Variants in EIF1AX observed in about 807,000 individuals in gnomAD.
The protein encoded by EIF1AX is eukaryotic translation initiation factor 1A, X-chromosomal.
Under a neutral mutation model 16.1 loss-of-function variants are expected in EIF1AX, and 1 was observed. That is an observed-to-expected ratio of 0.06 (90% confidence interval 0.02 to 0.30). EIF1AX has a LOEUF of 0.30. EIF1AX is among the 10% of genes least tolerant of loss of function. EIF1AX has a pLI of 1.00. For synonymous variants in EIF1AX, 32 were observed against 37.3 expected, an observed-to-expected ratio of 0.86 and a Z score of 0.51; for missense variants, 11 against 109.1, an observed-to-expected ratio of 0.10 and a Z score of 4.00.
rs2066984802 is a variant in EIF1AX, at chrX:20,126,199, G to A, written c.*2107C>T. 2 of 141,293 alleles carry A rather than the reference G, an allele frequency of 1.4e-5. No individual in the cohort carries two copies. The highest frequency in any genetic ancestry group is 2.3e-4 in the East Asian group (2 of 8,709). The allele number at this position is 141,293 out of a possible 1,213,427, so 11.6% of individuals were successfully genotyped here. Reference sequence around the variant, plus strand: ...AATCAGAGTGTATAAGCAAAAAAATGAAAAATAAAACTTCTTGGAGACCAT... The same window carrying A: ...AATCAGAGTGTATAAGCAAAAAAATAAAAAATAAAACTTCTTGGAGACCAT... On this transcript the variant is annotated 3_prime_UTR_variant, in exon 7 of 7. Transcript: ENST00000379607.
At chrX:20,136,555 G>C (rs1446921737) in intron 2 of EIF1AX, among the ~76,000 whole-genome samples, 6 of 112,250 alleles carry the variant, frequency 5.3e-5, no homozygotes, top group Non-Finnish European at 1.1e-4. Context: ...ATAATTTTTA[G>C]TTCATTTAGC....
intron 2 of EIF1AX, chrX:20,136,164 A>C (rs1472378395): frequency 6.9e-6 from 2 of 291,309 alleles, no homozygotes; most frequent in Non-Finnish European, 1.3e-5. Flanking sequence ...ATAGACATAC[A>C]TATGCACCCC....
chrX:20,125,455 T>C lies in EIF1AX; in HGVS notation c.*2851A>G, dbSNP rs1370654075. The C allele has an allele frequency of 2.3e-5, 4 of 170,251 alleles. No homozygotes were observed. In the East Asian group the frequency reaches 2.5e-4, roughly 11 times the overall value. 14.0% of individuals were successfully genotyped at this position (170,251 alleles called of 1,213,427 possible). A position where few individuals can be genotyped will look rare whatever the true frequency, so the allele number is the denominator to read the frequency against. ...GAGTCCAAAGAGTATAAATAAAACT[T>C]ACCCTTACGAAGTAGAATAAAGATA... On this transcript the variant is annotated 3_prime_UTR_variant, in exon 7 of 7. Coordinates refer to ENST00000379607, the MANE Select transcript of EIF1AX (RefSeq NM_001412.4).
Position 20,126,431 on chromosome X carries a change from G to T in EIF1AX, c.*1875C>A, listed in dbSNP as rs1156640194. 7.7e-6 allele frequency: 1 copy of T among 129,721 alleles called. No homozygotes were observed. Among genetic ancestry groups the T allele is most frequent in the African/African-American group, 3.5e-5 (1 of 28,656 alleles). The allele number at this position is 129,721 out of a possible 1,213,427, so 10.7% of individuals were successfully genotyped here. A position where few individuals can be genotyped will look rare whatever the true frequency, so the allele number is the denominator to read the frequency against. On this transcript the variant is annotated 3_prime_UTR_variant, in exon 7 of 7. Transcript: ENST00000379607. ...CAAGAACAATCACCAGTAAATACAT[G>T]AACTGGGGTTATAGCTGAATTTTTA...
intron 6 of EIF1AX, among the ~76,000 whole-genome samples, chrX:20,128,900 C>CA (rs1394211903): frequency 9.1e-6 from 1 of 110,241 alleles, no homozygotes; most frequent in East Asian, 2.8e-4. Flanking sequence ...CATGCGGCTT[C>CA]ATATCCATGC....
chrX:20,128,747 G>C (rs2066992450), intron 6 of EIF1AX, among the ~76,000 whole-genome samples: 1 of 111,450 alleles, frequency 9.0e-6, no homozygotes, highest in Admixed American at 9.6e-5. Context: ...ATGTTCAAGA[G>C]AACTCCTTTA....
chrX:20,141,532 G>T, intron 1 of EIF1AX, 93 bp downstream of exon 1: 2 of 1,040,796 alleles, frequency 1.9e-6, no homozygotes, highest in Admixed American at 3.0e-5. Context: ...AAGGAAAAAG[G>T]GTCACTGCGG....
chrX:20,127,682 C>T lies in EIF1AX; in HGVS notation c.*624G>A, dbSNP rs1236183844. 1 of 155,447 alleles carries T rather than the reference C, an allele frequency of 6.4e-6. No homozygotes were observed. 12.8% of individuals were successfully genotyped at this position (155,447 alleles called of 1,213,427 possible). A position where few individuals can be genotyped will look rare whatever the true frequency, so the allele number is the denominator to read the frequency against. On this transcript the variant is annotated 3_prime_UTR_variant, in exon 7 of 7. Coordinates refer to ENST00000379607, the MANE Select transcript of EIF1AX (RefSeq NM_001412.4). Reference sequence around the variant, plus strand: ...AACTACTAAGCTTACAAATTCAATACTGCTATTAAAACCCAGGTTCTGAAA... The same window carrying T: ...AACTACTAAGCTTACAAATTCAATATTGCTATTAAAACCCAGGTTCTGAAA...
intron 2 of EIF1AX, 63 bp from the exon 3 acceptor site, chrX:20,135,904 G>T: frequency 1.2e-6 from 1 of 809,500 alleles, no homozygotes; most frequent in African/African-American, 2.0e-5. Context: ...GCAACTTAAA[G>T]TCCACATAAA....
chrX:20,136,386 C>T, intron 2 of EIF1AX: 2 of 316,730 alleles, frequency 6.3e-6, no homozygotes, highest in South Asian at 6.5e-5. Flanking sequence ...ATCATTGATC[C>T]ACTTCAGTAA....
chrX:20,134,115 G>A (rs1487245921), intron 3 of EIF1AX, 108 bp from the exon 4 acceptor site: 8 of 849,442 alleles, frequency 9.4e-6, no homozygotes, highest in East Asian at 6.9e-5. Flanking sequence ...GGCCAGGAGC[G>A]GTGGCTCATG....
In EIF1AX at chrX:20,132,146, C is replaced by A. The variant is rs749283414; in HGVS notation, c.337+36G>T. On this transcript the variant is annotated intron_variant, in intron 5 of 6. Coordinates refer to ENST00000379607, the MANE Select transcript of EIF1AX (RefSeq NM_001412.4). Reference sequence around the variant, plus strand: ...TAACCAGCAACACATAACCTAAATACCATATGACAAGTTAATACAGTAACT... The same window carrying A: ...TAACCAGCAACACATAACCTAAATAACATATGACAAGTTAATACAGTAACT... 14 of 1,094,716 alleles carry A rather than the reference C, an allele frequency of 1.3e-5. No homozygotes were observed. The South Asian group carries it at 2.7e-4, about 21-fold the overall frequency. 90.2% of individuals were successfully genotyped at this position (1,094,716 alleles called of 1,213,427 possible). A position where few individuals can be genotyped will look rare whatever the true frequency, so the allele number is the denominator to read the frequency against.
At chrX:20,131,542 T>C (rs761643065) in intron 5 of EIF1AX, among the ~76,000 whole-genome samples, 5 of 109,969 alleles carry the variant, frequency 4.5e-5, no homozygotes, top group Non-Finnish European at 9.5e-5. Context: ...TGAGAATCGC[T>C]TGAACCTGGG....
intron 2 of EIF1AX, 101 bp downstream of exon 2, chrX:20,138,438 C>G: frequency 1.5e-6 from 1 of 686,473 alleles, no homozygotes; most frequent in South Asian, 2.3e-5. Context: ...CACCACACTT[C>G]ACCCTGGGCG....
chrX:20,124,712 TATA>T lies in EIF1AX; in HGVS notation c.*3591_*3593del, dbSNP rs946165001. On this transcript the variant is annotated 3_prime_UTR_variant, in exon 7 of 7. Transcript: ENST00000379607. The stretch of plus-strand genomic sequence containing the variant: ...TATCAGAGGTATCAATATTAATAAC[TATA>T]ATCTTTTTCTAAAGAAATATAGAAC... The T allele has an allele frequency of 7.1e-6, 1 of 140,448 alleles. No individual in the cohort carries two copies. Among genetic ancestry groups the T allele is most frequent in the African/African-American group, 3.1e-5 (1 of 31,907 alleles). The allele number at this position is 140,448 out of a possible 1,213,427, so 11.6% of individuals were successfully genotyped here. A position where few individuals can be genotyped will look rare whatever the true frequency, so the allele number is the denominator to read the frequency against.
At position 20,138,758 on chromosome X, in the gene EIF1AX, T is replaced by C. The variant is rs939699417; in HGVS notation, c.17-136A>G. The C allele has an allele frequency of 4.2e-5, 18 of 425,331 alleles. No homozygotes were observed. The East Asian group carries it at 7.1e-4, about 17-fold the overall frequency. 35.1% of individuals were successfully genotyped at this position (425,331 alleles called of 1,213,427 possible). ...AATTAAAAAATTCATCTATTTTAGC[T>C]ACACAATCATATTAAATTTACAATC... On this transcript the variant is annotated intron_variant, in intron 1 of 6. Coordinates refer to ENST00000379607, the MANE Select transcript of EIF1AX (RefSeq NM_001412.4).
intron 5 of EIF1AX, among the ~76,000 whole-genome samples, chrX:20,131,853 C>T (rs1416580632): frequency 3.7e-5 from 4 of 107,813 alleles, no homozygotes; most frequent in Admixed American, 1.0e-4. Flanking sequence ...CCACCATGCC[C>T]GGCTGACTTG....
intron 2 of EIF1AX, among the ~76,000 whole-genome samples, chrX:20,137,591 G>A (rs2067021234): frequency 8.9e-6 from 1 of 112,122 alleles, no homozygotes; most frequent in Non-Finnish European, 1.9e-5. Flanking sequence ...AAGGGCAAAC[G>A]ATCCAGTTAG....
chrX:20,137,852 T>C lies in EIF1AX; in HGVS notation c.100+687A>G, dbSNP rs776008838. Among the ~76,000 whole-genome samples, 12 of 110,919 alleles carry C rather than the reference T, an allele frequency of 1.1e-4. No homozygotes were observed. The East Asian group carries it at 3.1e-3, about 29-fold the overall frequency. ...AGAACTGCCAACTAAATCACAGAAC[T>C]GTCAACCATAGCTCAATTCCCTCTG... On this transcript the variant is annotated intron_variant, in intron 2 of 6. Transcript: ENST00000379607.
Sources: gnomAD v4.1 joint callset for allele counts (sites outside exome capture counted in the v4.1 genomes callset) on GRCh38, gnomAD v4.1.1 for gene constraint, MANE v1.5 for transcripts, NCBI Gene and HGNC (gene_info 2026-07-23, HGNC 2026-07-21) for gene names.